GALNTL6: variants seen among roughly 807,000 people sequenced by gnomAD.
GALNTL6 encodes the protein polypeptide N-acetylgalactosaminyltransferase like 6.
Under a neutral mutation model 73.7 loss-of-function variants are expected in GALNTL6, and 46 were observed. The ratio of observed to expected loss-of-function variants is 0.62; its 90% CI spans 0.49 to 0.80. The LOEUF is 0.80. GALNTL6 is among the 30% of genes least tolerant of loss of function. GALNTL6 has a pLI of 0.00. For missense variants in GALNTL6, 604 were observed against 755.0 expected, an observed-to-expected ratio of 0.80 and a Z score of 2.34; for synonymous variants, 259 against 263.7, an observed-to-expected ratio of 0.98 and a Z score of 0.17.
chr4:171,927,028 T>C (rs1724423406), intron 2 of GALNTL6, among the ~76,000 whole-genome samples: 1 of 144,780 alleles, frequency 6.9e-6, no homozygotes, highest in African/African-American at 2.8e-5. Flanking sequence ...CTATACGTAA[T>C]TTTTTTTTTC....
chr4:172,624,756 T>G (rs1056969272), intron 5 of GALNTL6, among the ~76,000 whole-genome samples: 5 of 151,810 alleles, frequency 3.3e-5, no homozygotes, highest in Middle Eastern at 3.4e-3. Flanking sequence ...CTTGTTTTCC[T>G]TGGTAGTTTT....
At chr4:172,110,897 G>C (rs892890587) in intron 2 of GALNTL6, among the ~76,000 whole-genome samples, 14 of 152,178 alleles carry the variant, frequency 9.2e-5, no homozygotes, top group African/African-American at 3.1e-4. Flanking sequence ...CCACGGAAGA[G>C]AAAAGAAAAT....
intron 2 of GALNTL6, among the ~76,000 whole-genome samples, chr4:171,974,217 C>T (rs1268383950): frequency 6.6e-6 from 1 of 151,614 alleles, no homozygotes; most frequent in East Asian, 1.9e-4. Flanking sequence ...TTTTTGATGT[C>T]TATGAAGTTT....
At chr4:172,416,384 A>T (rs1730835305) in intron 5 of GALNTL6, among the ~76,000 whole-genome samples, 1 of 152,208 alleles carries the variant, frequency 6.6e-6, no homozygotes, top group African/African-American at 2.4e-5. Flanking sequence ...TCCTTGTCAT[A>T]TGTGATACCA....
chr4:172,174,980 C>T (rs1265862789), intron 2 of GALNTL6, among the ~76,000 whole-genome samples: 3 of 152,158 alleles, frequency 2.0e-5, no homozygotes, highest in Admixed American at 2.0e-4. Context: ...TTAACACGCA[C>T]TGCAGATATT....
intron 2 of GALNTL6, among the ~76,000 whole-genome samples, chr4:171,959,489 T>C: frequency 6.6e-6 from 1 of 152,200 alleles, no homozygotes; most frequent in East Asian, 1.9e-4. Context: ...TTTTAGTGAA[T>C]ATAACTTCTC....
rs370471008 is a variant in GALNTL6 at position 171,848,728 on chromosome 4, C to A, written c.138+34010C>A. On this transcript the variant is annotated intron_variant, in intron 2 of 12. Transcript: ENST00000506823. ...CAACTTTTCTTCCACAATTTCCTCACATCTCTTGTCCTTCATAGCATTGTA... is the reference window on the plus strand; with the variant it reads ...CAACTTTTCTTCCACAATTTCCTCAAATCTCTTGTCCTTCATAGCATTGTA... Among the ~76,000 whole-genome samples the A allele has an allele frequency of 1.3e-4, 20 of 152,298 alleles. No individual in the cohort carries two copies. The East Asian group carries it at 3.5e-3, about 26-fold the overall frequency.
chr4:172,253,113 G>A (rs998541552), intron 3 of GALNTL6, among the ~76,000 whole-genome samples: 1 of 151,726 alleles, frequency 6.6e-6, no homozygotes, highest in South Asian at 2.1e-4. Context: ...AAAATAATAA[G>A]CATTATTTTA....
chr4:171,972,991 A>T (rs1739616359), intron 2 of GALNTL6, among the ~76,000 whole-genome samples: 1 of 152,194 alleles, frequency 6.6e-6, no homozygotes, highest in Non-Finnish European at 1.5e-5. Context: ...TATTACTATA[A>T]TCTAACAAAA....
At chr4:172,359,544 A>G (rs983640650) in intron 5 of GALNTL6, among the ~76,000 whole-genome samples, 1 of 152,170 alleles carries the variant, frequency 6.6e-6, no homozygotes, top group Admixed American at 6.5e-5. Flanking sequence ...TTAAAGAATC[A>G]GAGAAGTAAG....
intron 2 of GALNTL6, among the ~76,000 whole-genome samples, chr4:171,827,551 A>G (rs566836): frequency 0.22 from 33,885 of 152,110 alleles, 4,680 homozygotes; most frequent in Middle Eastern, 0.34. Flanking sequence ...CTCCCAGACT[A>G]TTTTCTCTAA....
chr4:172,277,068 C>G (rs973433129), intron 3 of GALNTL6, among the ~76,000 whole-genome samples: 1 of 151,818 alleles, frequency 6.6e-6, no homozygotes, highest in African/African-American at 2.4e-5. Context: ...TTTTTGACAC[C>G]TCTTTGTCTA....
chr4:172,570,990 G>C (rs550027353), intron 5 of GALNTL6, among the ~76,000 whole-genome samples: 4 of 152,240 alleles, frequency 2.6e-5, no homozygotes, highest in African/African-American at 9.6e-5. Context: ...TTGACAGGAG[G>C]TGGAGCTCAG....
At chr4:172,968,135 T>C (rs573435790) in intron 10 of GALNTL6, among the ~76,000 whole-genome samples, 1 of 152,252 alleles carries the variant, frequency 6.6e-6, no homozygotes, top group African/African-American at 2.4e-5. Context: ...CCTCAAGTAC[T>C]ACAGAACATA....
rs1732706548 is a variant in GALNTL6, at chr4:172,107,480, G to A, written c.139-122176G>A. The stretch of plus-strand genomic sequence containing the variant: ...ATTGGTTCTAATAAGGAGTCACCAT[G>A]GAATACTATGCAGCCATAAAAAATG... On this transcript the variant is annotated intron_variant, in intron 2 of 12. Transcript: ENST00000506823. 3.3e-5 allele frequency among the ~76,000 whole-genome samples: 5 copies of A among 151,866 alleles called. 1 individual carries two copies. The South Asian group carries it at 1.0e-3, about 32-fold the overall frequency.
chr4:172,348,620 A>G lies in GALNTL6; in HGVS notation c.484A>G (p.Ser162Gly), dbSNP rs1260382494. The G allele has an allele frequency of 1.2e-6, 2 of 1,612,414 alleles. No homozygotes were observed. The highest frequency in any genetic ancestry group is 1.7e-5 in the Admixed American group (1 of 59,908). ...GACTTCACTCCTGCGGACCATACAC[A>G]GTATAATTAACCGAACCCCAGGGAG... Reference protein sequence around the residue: ...GWTSLLRTIHSIINRTPGSLI... With the variant: ...GWTSLLRTIHGIINRTPGSLI... The change falls in exon 5 of 13, where the codon AGT becomes GGT. Residue 162 changes from serine (S) to glycine (G), a missense_variant. By Grantham distance (56) the Ser-to-Gly change is moderately conservative (BLOSUM62 0). Coordinates refer to ENST00000506823, the MANE Select transcript of GALNTL6 (RefSeq NM_001034845.3).
intron 2 of GALNTL6, among the ~76,000 whole-genome samples, chr4:171,878,157 T>A (rs77971226): frequency 0.013 from 2,009 of 152,344 alleles, 22 homozygotes; most frequent in Non-Finnish European, 0.021. Flanking sequence ...TTGGTTATGA[T>A]TTCAAGATAT....
At position 171,935,408 on chromosome 4, in the gene GALNTL6, A is replaced by T. The variant is rs527769958; in HGVS notation, c.138+120690A>T. ...TTGTAGCCTGATAAACTGAGTCTTC[A>T]GCATTATTGGAAGAAACTAATAAGG... On this transcript the variant is annotated intron_variant, in intron 2 of 12. Transcript: ENST00000506823. 1.6e-4 allele frequency among the ~76,000 whole-genome samples: 25 copies of T among 152,310 alleles called. No homozygotes were observed. In the East Asian group the frequency reaches 3.3e-3, roughly 20 times the overall value.
chr4:172,206,201 G>T (rs1380099954), intron 2 of GALNTL6, among the ~76,000 whole-genome samples: 1 of 152,064 alleles, frequency 6.6e-6, no homozygotes, highest in East Asian at 1.9e-4. Context: ...AATTCTGCTG[G>T]ACAAATCCTT....
Sources: allele counts gnomAD v4.1 joint callset (sites outside exome capture counted in the v4.1 genomes callset), GRCh38; gene constraint gnomAD v4.1.1; transcripts MANE v1.5; gene names NCBI Gene and HGNC (gene_info 2026-07-23, HGNC 2026-07-21).